LHFPL3: variants seen among roughly 807,000 people sequenced by gnomAD.
The protein encoded by LHFPL3 is LHFPL tetraspan subfamily member 3 protein.
Under a neutral mutation model 19.3 loss-of-function variants are expected in LHFPL3, and 5 were observed. The ratio of observed to expected loss-of-function variants is 0.26; its 90% CI spans 0.14 to 0.54. The LOEUF is 0.54. LHFPL3 is among the 20% of genes least tolerant of loss of function. LHFPL3 has a pLI of 0.94. For missense variants in LHFPL3, 249 were observed against 307.4 expected (o/e 0.81, Z 1.42); for synonymous variants, 133 against 126.2 (o/e 1.05, Z -0.36).
intron 1 of LHFPL3, among the ~76,000 whole-genome samples, chr7:104,590,452 G>A (rs1790688013): frequency 6.6e-6 from 1 of 152,108 alleles, no homozygotes; most frequent in Admixed American, 6.6e-5. Flanking sequence ...CTGAGTTCTA[G>A]TTTGATTGCA....
chr7:104,580,039 T>G (rs996019669), intron 1 of LHFPL3, among the ~76,000 whole-genome samples: 1 of 152,208 alleles, frequency 6.6e-6, no homozygotes, highest in African/African-American at 2.4e-5. Flanking sequence ...ATAAGAACTT[T>G]CAATGTTCTA....
At chr7:104,892,585 C>T (rs1325953915) in intron 2 of LHFPL3, among the ~76,000 whole-genome samples, 4 of 151,696 alleles carry the variant, frequency 2.6e-5, no homozygotes, top group African/African-American at 4.8e-5. Context: ...GTGGCGGGCA[C>T]CTGTAATCCC....
At chr7:104,868,230 G>T (rs1008752906) in intron 2 of LHFPL3, among the ~76,000 whole-genome samples, 8 of 152,098 alleles carry the variant, frequency 5.3e-5, no homozygotes, top group African/African-American at 1.4e-4. Context: ...TCTGGCCAGG[G>T]CAATCAGGCA....
At position 104,885,787 on chromosome 7, in the gene LHFPL3, C is replaced by A. The variant is rs536107876; in HGVS notation, c.683-20400C>A. Among the ~76,000 whole-genome samples the A allele has an allele frequency of 9.2e-5, 14 of 152,182 alleles. No homozygotes were observed. In the South Asian group the frequency reaches 2.9e-3, roughly 32 times the overall value. On this transcript the variant is annotated intron_variant, in intron 2 of 2. Transcript: ENST00000424859. ...TTCTCATCACCCCCCTCCCCTTCTC[C>A]CCACCCTTCAATAATGTCCCATTGC...
At chr7:104,578,726 C>T (rs1235935071) in intron 1 of LHFPL3, among the ~76,000 whole-genome samples, 1 of 152,044 alleles carries the variant, frequency 6.6e-6, no homozygotes, top group African/African-American at 2.4e-5. Context: ...CCAGTAAGGA[C>T]CACTATACCC....
At chr7:104,450,497 C>G (rs1187564773) in intron 1 of LHFPL3, among the ~76,000 whole-genome samples, 1 of 152,052 alleles carries the variant, frequency 6.6e-6, no homozygotes, top group African/African-American at 2.4e-5. Flanking sequence ...ACTGCATGTT[C>G]TCACTCGTAA....
intron 1 of LHFPL3, among the ~76,000 whole-genome samples, chr7:104,618,684 C>G (rs1240231649): frequency 6.6e-6 from 1 of 151,302 alleles, no homozygotes; most frequent in East Asian, 1.9e-4. Context: ...AAAAAAAGTT[C>G]TTGTTTTCAA....
At chr7:104,672,538 G>C (rs556485082) in intron 1 of LHFPL3, among the ~76,000 whole-genome samples, 3 of 152,192 alleles carry the variant, frequency 2.0e-5, no homozygotes, top group African/African-American at 2.4e-5. Context: ...AAGTGGCAAA[G>C]CCAGCCCTGA....
At chr7:104,755,700 G>C (rs896276065) in intron 2 of LHFPL3, among the ~76,000 whole-genome samples, 1 of 152,040 alleles carries the variant, frequency 6.6e-6, no homozygotes, top group African/African-American at 2.4e-5. Context: ...TTGTTTGTTT[G>C]TTTGTTTGTT....
intron 1 of LHFPL3, among the ~76,000 whole-genome samples, chr7:104,446,815 G>A (rs1197422295): frequency 1.3e-5 from 2 of 152,038 alleles, no homozygotes; most frequent in East Asian, 1.9e-4. Context: ...CCAAAGTGCT[G>A]TGATTACAGG....
chr7:104,699,821 A>G (rs936667316), intron 1 of LHFPL3, among the ~76,000 whole-genome samples: 2 of 152,178 alleles, frequency 1.3e-5, no homozygotes, highest in Admixed American at 1.3e-4. Context: ...ACACGCTGAC[A>G]TCAGCTGGGG....
chr7:104,363,648 A>G (rs1790433331), intron 1 of LHFPL3, among the ~76,000 whole-genome samples: 1 of 152,140 alleles, frequency 6.6e-6, no homozygotes, highest in South Asian at 2.1e-4. Flanking sequence ...AATTCACATG[A>G]CCTTGGGAGT....
intron 2 of LHFPL3, among the ~76,000 whole-genome samples, chr7:104,792,748 T>G (rs1040679816): frequency 2.6e-5 from 4 of 152,200 alleles, no homozygotes; most frequent in Non-Finnish European, 4.4e-5. Context: ...AACTCAATTC[T>G]GCATCTACTT....
intron 1 of LHFPL3, among the ~76,000 whole-genome samples, chr7:104,371,295 A>T (rs1790609874): frequency 1.3e-5 from 2 of 152,134 alleles, no homozygotes. Flanking sequence ...CACTTCTTAC[A>T]ACATCAAAAT....
chr7:104,724,605 AG>A (rs1243232539), intron 1 of LHFPL3, among the ~76,000 whole-genome samples: 2 of 152,302 alleles, frequency 1.3e-5, no homozygotes, highest in South Asian at 4.2e-4. Flanking sequence ...GGGACCTTTC[AG>A]AGGGTGGAGG....
chr7:104,417,871 T>A (rs1791653661), intron 1 of LHFPL3, among the ~76,000 whole-genome samples: 1 of 129,728 alleles, frequency 7.7e-6, no homozygotes, highest in African/African-American at 3.1e-5. Flanking sequence ...TTCTTCTTCT[T>A]CTTCTTCTTC....
At chr7:104,865,930 TAAAGA>T (rs1287536182) in intron 2 of LHFPL3, among the ~76,000 whole-genome samples, 2 of 152,128 alleles carry the variant, frequency 1.3e-5, no homozygotes, top group African/African-American at 4.8e-5. Context: ...TCAACGTTCT[TAAAGA>T]AAAGAATTTT....
At chr7:104,396,642 G>GAAAA (rs71153193) in intron 1 of LHFPL3, among the ~76,000 whole-genome samples, 18 of 137,544 alleles carry the variant, frequency 1.3e-4, no homozygotes, top group South Asian at 6.8e-4. Context: ...TACAAAATTA[G>GAAAA]AAAAAAAAAA....
chr7:104,400,405 T>C (rs73403855), intron 1 of LHFPL3, among the ~76,000 whole-genome samples: 6,202 of 152,244 alleles, frequency 0.041, 439 homozygotes, highest in African/African-American at 0.14. Flanking sequence ...TTAATCCTAT[T>C]TGGTAGGTCA....
Sources: allele counts gnomAD v4.1 joint callset (sites outside exome capture counted in the v4.1 genomes callset), GRCh38; gene constraint gnomAD v4.1.1; transcripts MANE v1.5; gene names NCBI Gene and HGNC (gene_info 2026-07-23, HGNC 2026-07-21).